The following F8 variants were observed in gnomAD, a reference collection of about 807,000 sequenced individuals.
F8 encodes the protein coagulation factor VIII, also known as antihemophilic factor.
A neutral mutation model predicts 140.6 loss-of-function variants in F8; 12 were observed. The observed-to-expected ratio is 0.09, with a 90% CI of 0.05 to 0.14. The LOEUF (loss-of-function observed/expected upper bound fraction) is 0.14. F8 is among the 10% of genes least tolerant of loss of function. The pLI is 1.00. For synonymous variants in F8, 585 were observed against 614.6 expected, an observed-to-expected ratio of 0.95 and a Z score of 0.71; for missense variants, 1,354 against 1,720.7, an observed-to-expected ratio of 0.79 and a Z score of 3.77.
At position 154,904,963 on chromosome X, in the gene F8, C is replaced by T. The variant is rs782321483; in HGVS notation, c.5434G>A (p.Glu1812Lys). The T allele has an allele frequency of 1.2e-5, 15 of 1,207,035 alleles. No individual in the cohort carries two copies. The African/African-American group carries it at 2.1e-4, about 17-fold the overall frequency. Residue 1812 changes from glutamate to lysine, a missense_variant, in exon 16 of 26, where the codon GAG (glutamate) becomes AAG (lysine). Physicochemically the swap from Glu to Lys is moderately conservative, Grantham distance 56. Around this residue, in one of 4 missense-constraint regions of F8, gnomAD observed 316 missense variants for 485.4 expected, o/e 0.65. Coordinates refer to ENST00000360256, the MANE Select transcript of F8 (RefSeq NM_000132.4). ...TCTGCTCCTTGCCTCTGATCTTCCT[C>T]ATAAGAAATAAGGCTAGAATAGAAG... ...YSFYSSLISYEEDQRQGAEPR... is the reference protein window; with the variant it reads ...YSFYSSLISYKEDQRQGAEPR...
intron 14 of F8, among the ~76,000 whole-genome samples, chrX:154,910,870 C>T (rs1326802124): frequency 9.1e-6 from 1 of 109,801 alleles, no homozygotes; most frequent in African/African-American, 3.3e-5. Context: ...GTGTAAAACC[C>T]GATTGTATGT....
In F8 at chrX:155,009,670, G is replaced by C. The variant is rs953239476; in HGVS notation, c.144-10070C>G. On this transcript the variant is annotated intron_variant, in intron 1 of 25. Transcript: ENST00000360256. ...GAATCGCTTGAACACGGGAGGCAGA[G>C]GTTGCAGTGAGCCGAGATCATGCCA... is the stretch of plus-strand genomic sequence containing the variant. 3.6e-5 allele frequency among the ~76,000 whole-genome samples: 4 copies of C among 110,818 alleles called. No individual in the cohort carries two copies. The Admixed American group carries it at 3.9e-4, about 11-fold the overall frequency.
At chrX:155,000,720 G>A (rs1268264266) in intron 1 of F8, among the ~76,000 whole-genome samples, 1 of 112,161 alleles carries the variant, frequency 8.9e-6, no homozygotes, top group African/African-American at 3.2e-5. Flanking sequence ...CATAAACATG[G>A]AAAAGGAGAG....
chrX:155,007,368 T>C (rs782291397), intron 1 of F8, among the ~76,000 whole-genome samples: 5 of 112,340 alleles, frequency 4.5e-5, no homozygotes, highest in African/African-American at 1.6e-4. Flanking sequence ...AATTAATGCA[T>C]GGACCCAAAA....
chrX:154,844,994 A>G (rs1221474619), intron 25 of F8, among the ~76,000 whole-genome samples: 1 of 111,521 alleles, frequency 9.0e-6, no homozygotes, highest in Non-Finnish European at 1.9e-5. Flanking sequence ...GAGAGTTTTT[A>G]GCATGAAGTG....
chrX:154,875,236 T>C (rs782337015), intron 22 of F8, among the ~76,000 whole-genome samples: 5 of 111,495 alleles, frequency 4.5e-5, no homozygotes, highest in African/African-American at 1.3e-4. Context: ...CAGGGAGATG[T>C]TGATCAAAGG....
intron 9 of F8, among the ~76,000 whole-genome samples, chrX:154,964,782 A>G (rs1393247250): frequency 1.8e-5 from 2 of 111,482 alleles, no homozygotes; most frequent in East Asian, 5.6e-4. Flanking sequence ...TCAGGCAGAA[A>G]ACATAAGTGA....
rs145227928 is a variant in F8 at position 154,933,049 on chromosome X, G to A, written c.2114-1373C>T. The stretch of plus-strand genomic sequence containing the variant: ...GCCTGGTATTAGGAATGGTGACCAA[G>A]CTGGAGTTTAGTTTTAATGGCTTGG... On this transcript the variant is annotated intron_variant, in intron 13 of 25. Coordinates refer to ENST00000360256, the MANE Select transcript of F8 (RefSeq NM_000132.4). Among the ~76,000 whole-genome samples the A allele has an allele frequency of 1.8e-3, 206 of 111,743 alleles. 2 individuals carry two copies. Among genetic ancestry groups the A allele is most frequent in the Admixed American group, 0.016 (173 of 10,586 alleles).
chrX:155,011,819 A>G (rs1446870815), intron 1 of F8, among the ~76,000 whole-genome samples: 2 of 112,479 alleles, frequency 1.8e-5, no homozygotes, highest in Admixed American at 1.9e-4. Flanking sequence ...TTATTTTCTT[A>G]TTTTAACTCC....
At chrX:154,947,997 T>C (rs374148082) in intron 12 of F8, 90 bp from the exon 13 acceptor site, 15 of 695,377 alleles carry the variant, frequency 2.2e-5, no homozygotes, top group East Asian at 2.1e-4. Context: ...GGAATTATTA[T>C]ATGTTATGCC....
chrX:154,939,895 A>G (rs2073248868), intron 13 of F8, among the ~76,000 whole-genome samples: 1 of 112,298 alleles, frequency 8.9e-6, no homozygotes, highest in Admixed American at 9.4e-5. Context: ...GCTGATACCC[A>G]GGCAAACAGG....
At chrX:154,936,707 A>C (rs1158215282) in intron 13 of F8, among the ~76,000 whole-genome samples, 1 of 112,263 alleles carries the variant, frequency 8.9e-6, no homozygotes. Context: ...TAAGGATTTT[A>C]AAAACATGAT....
chrX:154,860,802 G>A (rs1170874641), intron 24 of F8, among the ~76,000 whole-genome samples, 194 bp from the exon 25 acceptor site: 1 of 111,517 alleles, frequency 9.0e-6, no homozygotes, highest in African/African-American at 3.3e-5. Flanking sequence ...GAGTTCAACC[G>A]ATTCTCCTGC....
rs1455831017 is a variant in F8, at chrX:154,836,862, C to T, written c.*735G>A. The T allele has an allele frequency of 1.8e-5, 2 of 111,872 alleles. No individual in the cohort carries two copies. Among genetic ancestry groups the T allele is most frequent in the Non-Finnish European group, 3.8e-5 (2 of 53,239 alleles). 9.2% of individuals were successfully genotyped at this position (111,872 alleles called of 1,213,427 possible). On this transcript the variant is annotated 3_prime_UTR_variant, in exon 26 of 26. Transcript: ENST00000360256. ...AAATGGCTTTATATCTATGGACACT[C>T]GTCAGAAAAATGCACATTTGCATTT...
intron 6 of F8, chrX:154,977,364 G>A (rs1035155828): frequency 9.0e-6 from 1 of 111,630 alleles, no homozygotes; most frequent in East Asian, 2.8e-4. Flanking sequence ...TTACCTGTGG[G>A]TTTTATACCT....
At chrX:154,925,935 A>G (rs782396175) in intron 14 of F8, among the ~76,000 whole-genome samples, 1 of 111,866 alleles carries the variant, frequency 8.9e-6, no homozygotes, top group South Asian at 3.7e-4. Flanking sequence ...GTGGAATGAT[A>G]TGGTTTGGCT....
chrX:154,957,566 A>T (rs782176959), intron 10 of F8, among the ~76,000 whole-genome samples: 3 of 111,472 alleles, frequency 2.7e-5, no homozygotes, highest in Non-Finnish European at 5.6e-5. Flanking sequence ...TGAAGATACA[A>T]TCTAAATCAA....
In F8 at chrX:154,942,978, TA is replaced by T. The variant is rs2073278493; in HGVS notation, c.2113+4719del. 4.6e-5 allele frequency among the ~76,000 whole-genome samples: 5 copies of T among 109,829 alleles called. No homozygotes were observed. In the East Asian group the frequency reaches 1.1e-3, roughly 25 times the overall value. ...GACAAAATTCAACAACCCTTCATGC[TA>T]AAAACTCTCAATAAATTTGGTATTG... On this transcript the variant is annotated intron_variant, in intron 13 of 25. Coordinates refer to ENST00000360256, the MANE Select transcript of F8 (RefSeq NM_000132.4).
At chrX:154,859,026 A>C (rs1223960064) in intron 25 of F8, among the ~76,000 whole-genome samples, 1 of 112,333 alleles carries the variant, frequency 8.9e-6, no homozygotes, top group Non-Finnish European at 1.9e-5. Flanking sequence ...TCATCCAATT[A>C]GTTGAAGGCC....
Sources: allele counts gnomAD v4.1 joint callset (sites outside exome capture counted in the v4.1 genomes callset), GRCh38; gene constraint gnomAD v4.1.1; regional missense constraint gnomAD v4.1.1; transcripts MANE v1.5; gene names NCBI Gene and HGNC (gene_info 2026-07-23, HGNC 2026-07-21).